ORC4: variants seen among roughly 807,000 people sequenced by gnomAD.
ORC4 encodes origin recognition complex subunit 4.
ORC4 carries 55 observed loss-of-function variants against 63.9 expected under a neutral mutation model. That is an observed-to-expected ratio of 0.86 (90% confidence interval 0.69 to 1.08). ORC4 has a LOEUF of 1.08. Among genes scored for constraint, ORC4 ranks in the 50% least tolerant of loss-of-function variants. ORC4 has a pLI of 0.00. For missense variants in ORC4, 511 were observed against 504.4 expected (o/e 1.01, Z -0.13); for synonymous variants, 150 against 168.5 (o/e 0.89, Z 0.85).
At chr2:147,964,815 T>C (rs919948634) in intron 4 of ORC4, among the ~76,000 whole-genome samples, 6 of 152,210 alleles carry the variant, frequency 3.9e-5, no homozygotes, top group Non-Finnish European at 8.8e-5. Context: ...TTTTAAAACA[T>C]CTTTCATCCT....
intron 7 of ORC4, among the ~76,000 whole-genome samples, chr2:147,953,067 C>A (rs1047824497): frequency 1.4e-5 from 2 of 141,172 alleles, no homozygotes; most frequent in African/African-American, 5.3e-5. Flanking sequence ...TGGTGACTCA[C>A]GCTTGTAATC....
intron 1 of ORC4, among the ~76,000 whole-genome samples, chr2:147,999,895 A>C (rs1377429973): frequency 1.3e-5 from 2 of 152,098 alleles, no homozygotes; most frequent in Middle Eastern, 3.2e-3. Flanking sequence ...AGGAAGCAAT[A>C]AATTTCAAAA....
At chr2:147,971,979 A>C (rs915647609) in intron 4 of ORC4, among the ~76,000 whole-genome samples, 2 of 152,120 alleles carry the variant, frequency 1.3e-5, no homozygotes, top group Non-Finnish European at 2.9e-5. Flanking sequence ...TTTGCTTCTC[A>C]TCCATTTTTT....
At chr2:147,960,776 T>C (rs1222513460) in intron 4 of ORC4, among the ~76,000 whole-genome samples, 2 of 152,058 alleles carry the variant, frequency 1.3e-5, no homozygotes, top group East Asian at 1.9e-4. Context: ...GTAATCTGAG[T>C]GCTTTGAGAG....
chr2:147,994,083 A>C (rs1691789612), intron 1 of ORC4, among the ~76,000 whole-genome samples: 1 of 152,194 alleles, frequency 6.6e-6, no homozygotes, highest in Non-Finnish European at 1.5e-5. Flanking sequence ...TGAAATTAGA[A>C]ATTAAAATAA....
chr2:147,935,229 A>C lies in ORC4; in HGVS notation c.*281T>G. On this transcript the variant is annotated 3_prime_UTR_variant, in exon 14 of 14. Coordinates refer to ENST00000392857, the MANE Select transcript of ORC4 (RefSeq NM_181741.4). ...AAGTGAGCTCTTCAAATAGACCATT[A>C]TATATATAAGTGTTAAAAAAGCACA... is the stretch of plus-strand genomic sequence containing the variant. 1 of 406,254 alleles carries C rather than the reference A, an allele frequency of 2.5e-6. No homozygotes were observed. Among genetic ancestry groups the C allele is most frequent in the Non-Finnish European group, 4.6e-6 (1 of 219,022 alleles). The allele number at this position is 406,254 out of a possible 1,614,324, so 25.2% of individuals were successfully genotyped here.
intron 1 of ORC4, among the ~76,000 whole-genome samples, chr2:148,003,423 T>C (rs1414438838): frequency 6.6e-6 from 1 of 152,178 alleles, no homozygotes; most frequent in Non-Finnish European, 1.5e-5. Flanking sequence ...CATGATCAAG[T>C]TGGCTTCATC....
At chr2:147,938,483 T>C in intron 11 of ORC4, 90 bp from the exon 12 acceptor site, 1 of 819,666 alleles carries the variant, frequency 1.2e-6, no homozygotes, top group Non-Finnish European at 2.1e-6. Flanking sequence ...GTGAAAGATC[T>C]ATGGTTCTGA....
intron 4 of ORC4, among the ~76,000 whole-genome samples, chr2:147,967,877 C>T (rs1689989418): frequency 6.6e-6 from 1 of 152,084 alleles, no homozygotes; most frequent in Non-Finnish European, 1.5e-5. Flanking sequence ...CTGGAGTCAA[C>T]ATACTGCCTT....
At chr2:147,967,820 C>T (rs1378595476) in intron 4 of ORC4, among the ~76,000 whole-genome samples, 21 of 151,892 alleles carry the variant, frequency 1.4e-4, no homozygotes, top group Admixed American at 1.2e-3. Context: ...TATGAAACAA[C>T]AAAAGATGCC....
chr2:147,986,566 G>A (rs1179217300), intron 1 of ORC4, among the ~76,000 whole-genome samples: 1 of 152,110 alleles, frequency 6.6e-6, no homozygotes, highest in African/African-American at 2.4e-5. Flanking sequence ...TATCTACAAA[G>A]TTCTGAGAGA....
chr2:147,943,670 A>G, intron 9 of ORC4, 148 bp from the exon 10 acceptor site: 2 of 625,542 alleles, frequency 3.2e-6, no homozygotes, highest in Non-Finnish European at 5.6e-6. Context: ...TTATTTGTAG[A>G]ACACTAAAAC....
rs765200583 is a variant in ORC4 at position 147,952,406 on chromosome 2, G to A, written c.555C>T (p.Thr185=). Residue 185 remains threonine, a synonymous_variant, in exon 8 of 14, where the codon ACC becomes ACT. Transcript: ENST00000392857. ...ATGTAAGACCAATAACTGCTATTGGGGTCTGTGCAGACTGAGAAATGTCAA... is the reference window on the plus strand; with the variant it reads ...ATGTAAGACCAATAACTGCTATTGGAGTCTGTGCAGACTGAGAAATGTCAA... ...NLFDISQSAQ[T]PIAVIGLTCR... The A allele has an allele frequency of 6.2e-7, 1 of 1,609,398 alleles. No individual in the cohort carries two copies.
At chr2:147,997,176 A>G (rs1692021529) in intron 1 of ORC4, among the ~76,000 whole-genome samples, 1 of 152,116 alleles carries the variant, frequency 6.6e-6, no homozygotes, top group South Asian at 2.1e-4. Context: ...GTTTCCAACT[A>G]TATGATATTC....
chr2:147,977,316 G>T (rs746067630), intron 1 of ORC4, among the ~76,000 whole-genome samples: 1 of 152,168 alleles, frequency 6.6e-6, no homozygotes, highest in Non-Finnish European at 1.5e-5. Flanking sequence ...CTCAGTGAAA[G>T]ACATTTTGGA....
At chr2:147,969,609 C>A (rs1451112947) in intron 4 of ORC4, among the ~76,000 whole-genome samples, 1 of 151,126 alleles carries the variant, frequency 6.6e-6, no homozygotes, top group Admixed American at 6.6e-5. Flanking sequence ...GGCCATATGA[C>A]AGAATGCTGA....
At chr2:147,948,875 C>T (rs1688798975) in intron 8 of ORC4, among the ~76,000 whole-genome samples, 2 of 151,162 alleles carry the variant, frequency 1.3e-5, no homozygotes, top group South Asian at 4.2e-4. Flanking sequence ...CTATCCAAGA[C>T]ATCAAAAGCA....
chr2:147,930,977 G>A lies in ORC4; in HGVS notation c.*4533C>T, dbSNP rs1311869157. The A allele has an allele frequency of 6.7e-6, 1 of 149,308 alleles. No homozygotes were observed. Among genetic ancestry groups the A allele is most frequent in the African/African-American group, 2.5e-5 (1 of 40,666 alleles). The allele number at this position is 149,308 out of a possible 1,614,324, so 9.2% of individuals were successfully genotyped here. Reference sequence around the variant, plus strand: ...CCCACTAACTCGTCATCTAGCATTAGGTATATCTCCTAATGCTATCCCTCC... The same window carrying A: ...CCCACTAACTCGTCATCTAGCATTAAGTATATCTCCTAATGCTATCCCTCC... On this transcript the variant is annotated 3_prime_UTR_variant, in exon 14 of 14. Transcript: ENST00000392857.
chr2:147,973,922 C>T (rs1177949476), intron 2 of ORC4, among the ~76,000 whole-genome samples: 1 of 152,158 alleles, frequency 6.6e-6, no homozygotes, highest in African/African-American at 2.4e-5. Flanking sequence ...GATAATCTAC[C>T]ATACTCTTTA....
Sources: allele counts gnomAD v4.1 joint callset (sites outside exome capture counted in the v4.1 genomes callset), GRCh38; gene constraint gnomAD v4.1.1; transcripts MANE v1.5; gene names NCBI Gene and HGNC (gene_info 2026-07-23, HGNC 2026-07-21).